Variants in CD33 observed in about 807,000 individuals in gnomAD.
CD33 encodes myeloid cell surface antigen CD33.
In CD33, 25 loss-of-function variants were observed where a neutral mutation model predicts 31.4. The observed-to-expected ratio is 0.80, with a 90% CI of 0.58 to 1.11. The LOEUF (loss-of-function observed/expected upper bound fraction) is 1.11, where lower values mean the gene tolerates loss of function less well. CD33 is among the 50% of genes most tolerant of loss of function. The pLI, the probability that CD33 is intolerant of heterozygous loss-of-function variation, is 0.00. For synonymous variants in CD33, 176 were observed against 180.6 expected, an observed-to-expected ratio of 0.97 and a Z score of 0.20; for missense variants, 407 against 448.1, an observed-to-expected ratio of 0.91 and a Z score of 0.83.
At chr19:51,221,192 C>A (rs889277064), upstream of CD33, among the ~76,000 whole-genome samples, 1 of 152,194 alleles carries the variant, frequency 6.6e-6, no homozygotes, top group Non-Finnish European at 1.5e-5. Context: ...GCACAGCCTG[C>A]AGAACTGTGA....
At chr19:51,221,737 C>A (rs117065108), upstream of CD33, among the ~76,000 whole-genome samples, 110 of 152,264 alleles carry the variant, frequency 7.2e-4, no homozygotes, top group East Asian at 0.015. Flanking sequence ...GTCACCCAAA[C>A]CTGAAAACAA....
Position 51,226,037 on chromosome 19 carries a change from G to A in CD33, c.653G>A (p.Gly218Glu). The change falls in exon 3 of 7, where the codon GGA becomes GAA. Residue 218 changes from glycine to glutamate, a missense_variant. Coordinates refer to ENST00000262262, the MANE Select transcript of CD33 (RefSeq NM_001772.4). ...TNLTCQVKFA[G>E]AGVTTERTIQ... ...CTGACCTGTCAGGTGAAGTTCGCTG[G>A]AGCTGGTGTGACTACGGAGAGAACC... The A allele has an allele frequency of 6.2e-7, 1 of 1,614,130 alleles. No individual in the cohort carries two copies. Among genetic ancestry groups the A allele is most frequent in the South Asian group, 1.1e-5 (1 of 91,078 alleles).
In CD33 at chr19:51,235,572, A is replaced by G. The variant is rs1476759957; in HGVS notation, c.843-23A>G. On this transcript the variant is annotated intron_variant, in intron 5 of 6. Coordinates refer to ENST00000262262, the MANE Select transcript of CD33 (RefSeq NM_001772.4). ...CCACAGCCTGAGAAAACCAGGCTCA[A>G]AGACCCTGGTGTCTCCCATCAGAGT... is the stretch of plus-strand genomic sequence containing the variant. 11 of 1,606,980 alleles carry G rather than the reference A, an allele frequency of 6.8e-6. No homozygotes were observed. The African/African-American group carries it at 1.5e-4, about 22-fold the overall frequency.
At chr19:51,211,366 A>G in the CD33 span, 2 of 1,557,924 alleles carry the variant, frequency 1.3e-6, no homozygotes, top group Non-Finnish European at 8.8e-7. Flanking sequence ...GGAAGGAGCC[A>G]TTGTATCCAG....
the CD33 span, among the ~76,000 whole-genome samples, chr19:51,218,758 C>T: frequency 1.3e-5 from 2 of 152,168 alleles, no homozygotes; most frequent in Non-Finnish European, 2.9e-5. Context: ...CCAATTCTCC[C>T]AGCACCGTTT....
At chr19:51,211,678 G>A in the CD33 span, 1 of 1,022,542 alleles carries the variant, frequency 9.8e-7, no homozygotes, top group Non-Finnish European at 1.5e-6. Context: ...CTGGAAGGGG[G>A]TTGGGAATGA....
intron 4 of CD33, among the ~76,000 whole-genome samples, chr19:51,232,633 T>G (rs1272870430): frequency 6.6e-6 from 1 of 152,258 alleles, no homozygotes; most frequent in Non-Finnish European, 1.5e-5. Context: ...TTTCAGAAGA[T>G]CTGTCTTCAA....
At chr19:51,225,717 G>A in intron 2 of CD33, 86 bp from the exon 3 acceptor site, 1 of 1,542,732 alleles carries the variant, frequency 6.5e-7, no homozygotes, top group Non-Finnish European at 8.8e-7. Flanking sequence ...TGCTTAGCGG[G>A]GGAGCTTGAC....
chr19:51,223,450 G>C (rs904346173), upstream of CD33, among the ~76,000 whole-genome samples: 5 of 152,146 alleles, frequency 3.3e-5, no homozygotes, highest in African/African-American at 9.7e-5. Flanking sequence ...GGGATCAACG[G>C]TTTGCTGGAT....
At position 51,239,599 on chromosome 19, in the gene CD33, G is replaced by A. The variant is rs202078784; in HGVS notation, c.1006G>A (p.Glu336Lys). 6.2e-7 allele frequency: 1 copy of A among 1,613,906 alleles called. No homozygotes were observed. Among genetic ancestry groups the A allele is most frequent in the Non-Finnish European group, 8.5e-7 (1 of 1,179,934 alleles). ...TGCCGCCCCTACTGTGGAGATGGATGAGGAGCTGCATTATGCTTCCCTCAA... is the reference window on the plus strand; with the variant it reads ...TGCCGCCCCTACTGTGGAGATGGATAAGGAGCTGCATTATGCTTCCCTCAA... ...SGAAPTVEMD[E>K]ELHYASLNFH... is the part of the protein sequence containing the mutation. The change falls in exon 7 of 7, where the codon GAG becomes AAG. Residue 336 changes from glutamate to lysine, a missense_variant. Coordinates refer to ENST00000262262, the MANE Select transcript of CD33 (RefSeq NM_001772.4).
At chr19:51,224,971 A>G, upstream of CD33, 2 of 967,232 alleles carry the variant, frequency 2.1e-6, no homozygotes, top group South Asian at 2.8e-5. Context: ...ACAAGCTCTG[A>G]GCATGTGTGG....
At chr19:51,212,180 C>T in the CD33 span, 1 of 421,006 alleles carries the variant, frequency 2.4e-6, no homozygotes, top group Non-Finnish European at 4.6e-6. Flanking sequence ...AGAGGCCTGG[C>T]TGAGTAGAAG....
At chr19:51,226,107 G>A in intron 3 of CD33, 26 bp downstream of exon 3, 1 of 1,609,748 alleles carries the variant, frequency 6.2e-7, no homozygotes, top group Non-Finnish European at 8.5e-7. Context: ...GGATGCTGGG[G>A]TCCCTGAGGG....
intron 6 of CD33, chr19:51,236,006 A>C (rs958994752): frequency 1.5e-5 from 9 of 588,858 alleles, no homozygotes; most frequent in Non-Finnish European, 2.8e-5. Flanking sequence ...AAAATACAAA[A>C]AATTAGCCAG....
chr19:51,217,228 G>A, the CD33 span, among the ~76,000 whole-genome samples: 1,342 of 152,256 alleles, frequency 8.8e-3, 24 homozygotes, highest in African/African-American at 0.031. Context: ...AACCAGACAG[G>A]CAGGGTTGGA....
At chr19:51,221,281 A>C (rs1980678169), upstream of CD33, among the ~76,000 whole-genome samples, 2 of 152,164 alleles carry the variant, frequency 1.3e-5, no homozygotes, top group African/African-American at 4.8e-5. Context: ...GAACTAACAC[A>C]ATATTTTAAA....
At chr19:51,214,566 C>A in the CD33 span, among the ~76,000 whole-genome samples, 1 of 152,162 alleles carries the variant, frequency 6.6e-6, no homozygotes, top group African/African-American at 2.4e-5. Flanking sequence ...ATTTAATATG[C>A]ATTAACATAA....
chr19:51,235,848 G>A (rs560264283), intron 6 of CD33, 172 bp downstream of exon 6: 1 of 721,260 alleles, frequency 1.4e-6, no homozygotes, highest in African/African-American at 1.7e-5. Context: ...CAGATCAGGA[G>A]ATGATGGCCA....
chr19:51,220,622 A>G (rs1042687155), upstream of CD33, among the ~76,000 whole-genome samples: 1 of 152,164 alleles, frequency 6.6e-6, no homozygotes. Context: ...CCACTGGTCA[A>G]GATCATTAAT....
Sources: gnomAD v4.1 joint callset for allele counts (sites outside exome capture counted in the v4.1 genomes callset) on GRCh38, gnomAD v4.1.1 for gene constraint, MANE v1.5 for transcripts, NCBI Gene and HGNC (gene_info 2026-07-23, HGNC 2026-07-21) for gene names.